NLRP14: variants seen among roughly 807,000 people sequenced by gnomAD.
NLRP14 encodes NLR family pyrin domain containing 14.
In NLRP14, 105 loss-of-function variants were observed where a neutral mutation model predicts 94.7. The observed-to-expected ratio is 1.11, with a 90% CI of 0.95 to 1.30. The LOEUF is 1.30. Ranked by LOEUF, NLRP14 falls within the 50% of genes most tolerant of loss-of-function variation. The pLI, the probability that NLRP14 is intolerant of heterozygous loss-of-function variation, is 0.00. For missense variants in NLRP14, 1,362 were observed against 1,254.1 expected (o/e 1.09, Z -1.30); for synonymous variants, 508 against 459.9 (o/e 1.10, Z -1.34).
downstream of NLRP14, among the ~76,000 whole-genome samples, chr11:7,076,306 A>G (rs940735369): frequency 3.9e-5 from 6 of 152,234 alleles, no homozygotes; most frequent in Non-Finnish European, 2.9e-5. Flanking sequence ...CAGATTGTCA[A>G]AAAAGCAAAT....
intron 9 of NLRP14, among the ~76,000 whole-genome samples, chr11:7,060,785 A>G (rs1159910027): frequency 1.3e-5 from 2 of 152,048 alleles, no homozygotes; most frequent in African/African-American, 4.8e-5. Flanking sequence ...TGATTGCTTT[A>G]TGGACATGAT....
intron 3 of NLRP14, 84 bp from the exon 4 acceptor site, chr11:7,042,304 G>A: frequency 1.8e-6 from 2 of 1,129,772 alleles, no homozygotes; most frequent in Admixed American, 1.7e-5. Flanking sequence ...TCCAAGTTCG[G>A]TATTCTTGAC....
the NLRP14 span, chr11:7,089,317 C>T: frequency 0.21 from 343,525 of 1,605,256 alleles, 39,103 homozygotes; most frequent in Non-Finnish European, 0.24. Context: ...AAGGCCGCCG[C>T]CAGAGACATG....
At chr11:7,082,718 C>T in the NLRP14 span, among the ~76,000 whole-genome samples, 1 of 152,178 alleles carries the variant, frequency 6.6e-6, no homozygotes, top group Non-Finnish European at 1.5e-5. Flanking sequence ...TTGGAAGGGA[C>T]ATTAGGTTCA....
rs2119617327 is a variant in NLRP14, at chr11:7,042,935, A to G, written c.909A>G (p.Leu303=). The G allele has an allele frequency of 6.2e-7, 1 of 1,614,004 alleles. No individual in the cohort carries two copies. The part of the protein sequence containing the change: ...LRKVMLPEAS[L]LVTTRLTTSK... Reference sequence around the variant, plus strand: ...AAGTGATGCTCCCTGAGGCATCCTTATTGGTGACAACAAGACTCACAACTT... The same window carrying G: ...AAGTGATGCTCCCTGAGGCATCCTTGTTGGTGACAACAAGACTCACAACTT... Residue 303 remains leucine (L), a synonymous_variant, in exon 4 of 12, where the codon TTA becomes TTG. Transcript: ENST00000299481.
chr11:7,064,412 A>G (rs953032712), intron 10 of NLRP14, among the ~76,000 whole-genome samples: 1 of 152,046 alleles, frequency 6.6e-6, no homozygotes, highest in African/African-American at 2.4e-5. Context: ...CAGACCACAT[A>G]ATTATTTTGC....
At chr11:7,090,488 T>C in the NLRP14 span, 2 of 756,326 alleles carry the variant, frequency 2.6e-6, no homozygotes, top group Admixed American at 2.7e-5. Context: ...TAGTTTAGTT[T>C]TGGAATTGTT....
chr11:7,090,437 T>TC, the NLRP14 span: 1 of 1,143,560 alleles, frequency 8.7e-7, no homozygotes. Flanking sequence ...TAAGATCGTC[T>TC]CCATTTTTAT....
At chr11:7,075,140 G>T (rs1480939947), downstream of NLRP14, among the ~76,000 whole-genome samples, 2 of 152,140 alleles carry the variant, frequency 1.3e-5, no homozygotes, top group Non-Finnish European at 2.9e-5. Flanking sequence ...CTCCTGACAT[G>T]AATGGGAACT....
the NLRP14 span, among the ~76,000 whole-genome samples, chr11:7,084,675 A>G: frequency 6.6e-6 from 1 of 152,200 alleles, no homozygotes; most frequent in African/African-American, 2.4e-5. Context: ...TGACCTATGT[A>G]TATCTTCATC....
At chr11:7,088,866 A>G in the NLRP14 span, among the ~76,000 whole-genome samples, 1 of 152,350 alleles carries the variant, frequency 6.6e-6, no homozygotes, top group African/African-American at 2.4e-5. Context: ...TCAGGTGAAC[A>G]GGAAGTTAAA....
At chr11:7,088,341 G>T in the NLRP14 span, among the ~76,000 whole-genome samples, 1 of 152,066 alleles carries the variant, frequency 6.6e-6, no homozygotes, top group African/African-American at 2.4e-5. Context: ...AAAATCTTAG[G>T]AACTGAACAA....
the NLRP14 span, among the ~76,000 whole-genome samples, chr11:7,082,663 A>G: frequency 6.6e-6 from 1 of 152,162 alleles, no homozygotes; most frequent in Non-Finnish European, 1.5e-5. Context: ...CATTATCCTC[A>G]TCTACTATTT....
chr11:7,043,382 A>G lies in NLRP14; in HGVS notation c.1356A>G (p.Leu452=). The part of the protein sequence containing the change: ...FYRENLRRLG[L]TQSDVSSFMD... ...GAGAAAATCTCAGAAGGCTTGGGTT[A>G]ACTCAATCTGATGTCTCTAGTTTTA... Residue 452 remains leucine (L), a synonymous_variant, in exon 4 of 12, where the codon TTA becomes TTG. Coordinates refer to ENST00000299481, the MANE Select transcript of NLRP14 (RefSeq NM_176822.4). 1 of 1,614,218 alleles carries G rather than the reference A, an allele frequency of 6.2e-7. No individual in the cohort carries two copies. Among genetic ancestry groups the G allele is most frequent in the Non-Finnish European group, 8.5e-7 (1 of 1,180,022 alleles).
chr11:7,021,025 C>A (rs760217459), intron 1 of NLRP14, among the ~76,000 whole-genome samples: 1 of 152,118 alleles, frequency 6.6e-6, no homozygotes, highest in Non-Finnish European at 1.5e-5. Context: ...AAAATACTTT[C>A]GCATCTTTGG....
chr11:7,088,996 G>T, the NLRP14 span: 2 of 1,171,458 alleles, frequency 1.7e-6, no homozygotes, highest in Non-Finnish European at 2.5e-6. Flanking sequence ...CTGCGGTTCC[G>T]TGGACTCGGC....
intron 10 of NLRP14, among the ~76,000 whole-genome samples, chr11:7,067,560 CTT>C (rs1478970941): frequency 1.3e-5 from 2 of 152,122 alleles, no homozygotes; most frequent in African/African-American, 4.8e-5. Context: ...TATCCTGAGA[CTT>C]TGCTGAAGTT....
At chr11:7,026,669 G>T (rs1290274410) in intron 1 of NLRP14, among the ~76,000 whole-genome samples, 1 of 151,758 alleles carries the variant, frequency 6.6e-6, no homozygotes, top group Admixed American at 6.6e-5. Context: ...TATACCCAAA[G>T]GATTATAAAT....
In NLRP14 at chr11:7,043,366, T is replaced by C; in HGVS notation, c.1340T>C (p.Leu447Pro). Residue 447 changes from leucine (L) to proline (P), a missense_variant, in exon 4 of 12, where the codon CTC becomes CCC. Coordinates refer to ENST00000299481, the MANE Select transcript of NLRP14 (RefSeq NM_176822.4). Reference sequence around the variant, plus strand: ...ACTTACGTGTTTTACAGAGAAAATCTCAGAAGGCTTGGGTTAACTCAATCT... The same window carrying C: ...ACTTACGTGTTTTACAGAGAAAATCCCAGAAGGCTTGGGTTAACTCAATCT... ...TMTYVFYREN[L>P]RRLGLTQSDV... 6.2e-7 allele frequency: 1 copy of C among 1,614,222 alleles called. No homozygotes were observed. The highest frequency in any genetic ancestry group is 1.1e-5 in the South Asian group (1 of 91,084).
Sources: allele counts gnomAD v4.1 joint callset (sites outside exome capture counted in the v4.1 genomes callset), GRCh38; gene constraint gnomAD v4.1.1; transcripts MANE v1.5; gene names NCBI Gene and HGNC (gene_info 2026-07-23, HGNC 2026-07-21).